The following HTR5A variants were observed in gnomAD, a reference collection of about 807,000 sequenced individuals.
The protein encoded by HTR5A is 5-hydroxytryptamine receptor 5A.
A neutral mutation model predicts 24.3 loss-of-function variants in HTR5A; 21 were observed. The ratio of observed to expected loss-of-function variants is 0.86; its 90% CI spans 0.61 to 1.24. HTR5A has a LOEUF of 1.24. Ranked by LOEUF, HTR5A falls within the 50% of genes most tolerant of loss-of-function variation. The pLI, the probability that HTR5A is intolerant of heterozygous loss-of-function variation, is 0.00. For synonymous variants in HTR5A, 260 were observed against 213.7 expected (o/e 1.22, Z -1.89); for missense variants, 497 against 489.5 (o/e 1.02, Z -0.15).
At chr7:155,078,271 T>C (rs1281372743) in intron 1 of HTR5A, among the ~76,000 whole-genome samples, 3 of 152,220 alleles carry the variant, frequency 2.0e-5, no homozygotes, top group South Asian at 2.1e-4. Flanking sequence ...ATTTTGCAAA[T>C]TGGCAATTTC....
chr7:155,084,345 G>T lies in HTR5A; in HGVS notation c.932G>T (p.Cys311Phe). 6.2e-7 allele frequency: 1 copy of T among 1,614,116 alleles called. No homozygotes were observed. Among genetic ancestry groups the T allele is most frequent in the Admixed American group, 1.7e-5 (1 of 60,014 alleles). ...CTCACCGAGCTCATCAGTCCCCTCTGCTCCTGTGACATCCCCGCCATCTGG... is the reference window on the plus strand; with the variant it reads ...CTCACCGAGCTCATCAGTCCCCTCTTCTCCTGTGACATCCCCGCCATCTGG... ...FFLTELISPL[C>F]SCDIPAIWKS... The change falls in exon 2 of 2, where the codon TGC becomes TTC. Residue 311 changes from cysteine to phenylalanine, a missense_variant. Transcript: ENST00000287907.
chr7:155,071,460 G>C lies in HTR5A; in HGVS notation c.561G>C (p.Glu187Asp). The change falls in exon 1 of 2, where the codon GAG becomes GAC. Residue 187 changes from glutamate (E) to aspartate (D), a missense_variant. Physicochemically the swap from Glu to Asp is conservative, Grantham distance 45. Transcript: ENST00000287907. ...TTGGCTGGGGAGAGACGTACTCTGA[G>C]GGCAGCGAGGAGTGCCAGGTAAGCC... Reference protein sequence around the residue: ...LLFGWGETYSEGSEECQVSRE... With the variant: ...LLFGWGETYSDGSEECQVSRE... 1 of 1,614,212 alleles carries C rather than the reference G, an allele frequency of 6.2e-7. No homozygotes were observed. Among genetic ancestry groups the C allele is most frequent in the Non-Finnish European group, 8.5e-7 (1 of 1,180,042 alleles).
chr7:155,074,077 C>A (rs562689324), intron 1 of HTR5A, among the ~76,000 whole-genome samples: 6 of 151,902 alleles, frequency 3.9e-5, no homozygotes, highest in African/African-American at 1.4e-4. Context: ...ACAAACCAGG[C>A]CTCCTGATTG....
chr7:155,073,863 G>A (rs1795326449), intron 1 of HTR5A, among the ~76,000 whole-genome samples: 2 of 68,102 alleles, frequency 2.9e-5, no homozygotes, highest in African/African-American at 1.1e-4. Context: ...ATGTGTGTGT[G>A]TGTATATATA....
At chr7:155,074,805 C>G (rs1013930306) in intron 1 of HTR5A, 8 of 152,274 alleles carry the variant, frequency 5.3e-5, no homozygotes, top group African/African-American at 7.2e-5. Context: ...GCGACCTACA[C>G]CTAGAAGAGA....
rs746476976 is a variant in HTR5A at position 155,070,325 on chromosome 7, G to A, written c.-575G>A. 16 of 320,482 alleles carry A rather than the reference G, an allele frequency of 5.0e-5. No individual in the cohort carries two copies. The highest frequency in any genetic ancestry group is 4.4e-4 in the African/African-American group (14 of 31,998). The allele number at this position is 320,482 out of a possible 1,614,324, so 19.9% of individuals were successfully genotyped here. On this transcript the variant is annotated 5_prime_UTR_variant, in exon 1 of 2. Transcript: ENST00000287907. ...AAGGCAGGTCTCGGTGGGCGCGCCA[G>A]CATTCGCTCTCCGGAGCTGCAGCCT...
rs1401526117 is a variant in HTR5A at position 155,084,464 on chromosome 7, A to G, written c.1051A>G (p.Asn351Asp). ...CAAGAACTACAACAGCGCCTTCAAG[A>G]ACTTCTTTTCTAGGCAACACTGAGG... ...FNKNYNSAFK[N>D]FFSRQH The change falls in exon 2 of 2, where the codon AAC becomes GAC. Residue 351 changes from asparagine to aspartate, a missense_variant. Asn to Asp is a conservative substitution (Grantham distance 23, BLOSUM62 1). Transcript: ENST00000287907. 6.2e-7 allele frequency: 1 copy of G among 1,612,816 alleles called. No homozygotes were observed. The highest frequency in any genetic ancestry group is 8.5e-7 in the Non-Finnish European group (1 of 1,179,112).
rs780287431 is a variant in HTR5A, at chr7:155,071,172, G to A, written c.273G>A (p.Ala91=). ...SMAVSDVLVA[A]LVMPLSLVHE... ...CCGTCTCGGATGTCCTGGTGGCCGC[G>A]CTGGTCATGCCGCTGAGCCTGGTGC... is the stretch of plus-strand genomic sequence containing the variant. The change falls in exon 1 of 2, where the codon GCG becomes GCA. Residue 91 remains alanine (A), a synonymous_variant. Coordinates refer to ENST00000287907, the MANE Select transcript of HTR5A (RefSeq NM_024012.4). The A allele has an allele frequency of 8.1e-6, 13 of 1,602,744 alleles. No individual in the cohort carries two copies. The Admixed American group carries it at 1.3e-4, about 16-fold the overall frequency.
At chr7:155,075,091 A>G (rs185778861) in intron 1 of HTR5A, among the ~76,000 whole-genome samples, 67 of 152,338 alleles carry the variant, frequency 4.4e-4, no homozygotes, top group Non-Finnish European at 6.6e-4. Context: ...TTTAAAATAT[A>G]TTGATTGAGA....
chr7:155,081,558 A>G (rs1266369286), intron 1 of HTR5A, among the ~76,000 whole-genome samples: 1 of 152,234 alleles, frequency 6.6e-6, no homozygotes, highest in Non-Finnish European at 1.5e-5. Context: ...GGAAAAATTA[A>G]TTTGGCTTAA....
chr7:155,073,830 T>TACACAC (rs60282843), intron 1 of HTR5A, among the ~76,000 whole-genome samples: 1,765 of 135,772 alleles, frequency 0.013, 61 homozygotes, highest in African/African-American at 0.043. Context: ...TTTATATAGA[T>TACACAC]ACACACACAC....
intron 1 of HTR5A, among the ~76,000 whole-genome samples, chr7:155,080,382 C>T (rs989040390): frequency 5.9e-5 from 9 of 152,182 alleles, no homozygotes; most frequent in African/African-American, 2.2e-4. Flanking sequence ...TAACAAAATA[C>T]ATTGAGCAAT....
Position 155,084,137 on chromosome 7 carries a change from C to G in HTR5A, c.742-18C>G. 6.4e-7 allele frequency: 1 copy of G among 1,569,118 alleles called. No individual in the cohort carries two copies. The highest frequency in any genetic ancestry group is 8.6e-7 in the Non-Finnish European group (1 of 1,157,474). On this transcript the variant is annotated intron_variant, in intron 1 of 1. Coordinates refer to ENST00000287907, the MANE Select transcript of HTR5A (RefSeq NM_024012.4). ...GACTGAGGTGGCTCCTCATAAAGCT[C>G]CTGCTTGTCTTTTACAGGTGAAGGA...
intron 1 of HTR5A, among the ~76,000 whole-genome samples, chr7:155,083,887 GAACAGACAGC>G (rs1357753621): frequency 1.2e-4 from 18 of 152,140 alleles, no homozygotes; most frequent in Non-Finnish European, 2.2e-4. Flanking sequence ...TGCCTCTGTT[GAACAGACAGC>G]AATAGGGAGT....
Position 155,071,195 on chromosome 7 carries a change from T to C in HTR5A, c.296T>C (p.Val99Ala). ...VAALVMPLSL[V>A]HELSGRRWQL... ...GCGCTGGTCATGCCGCTGAGCCTGG[T>C]GCACGAGCTGTCCGGGCGCCGCTGG... Residue 99 changes from valine to alanine, a missense_variant, in exon 1 of 2, where the codon GTG (valine) becomes GCG (alanine). Val to Ala is a moderately conservative substitution (Grantham distance 64, BLOSUM62 0). Coordinates refer to ENST00000287907, the MANE Select transcript of HTR5A (RefSeq NM_024012.4). 1 of 1,602,812 alleles carries C rather than the reference T, an allele frequency of 6.2e-7. No homozygotes were observed. The highest frequency in any genetic ancestry group is 8.5e-7 in the Non-Finnish European group (1 of 1,179,876).
rs1040885443 is a variant in HTR5A at position 155,070,845 on chromosome 7, A to T, written c.-55A>T. On this transcript the variant is annotated 5_prime_UTR_variant, in exon 1 of 2. In the 5' UTR this introduces an upstream ATG that the reference lacks. Coordinates refer to ENST00000287907, the MANE Select transcript of HTR5A (RefSeq NM_024012.4). The stretch of plus-strand genomic sequence containing the variant: ...GGCTCTGGGCACAGTGGCCGCCTTA[A>T]GTCCTCCTGAACACCCCTTCTGCAA... 3 of 1,536,646 alleles carry T rather than the reference A, an allele frequency of 2.0e-6. No homozygotes were observed. Among genetic ancestry groups the T allele is most frequent in the Non-Finnish European group, 2.6e-6 (3 of 1,142,350 alleles).
intron 1 of HTR5A, among the ~76,000 whole-genome samples, chr7:155,073,629 C>G (rs996140078): frequency 6.6e-6 from 1 of 151,772 alleles, no homozygotes; most frequent in African/African-American, 2.4e-5. Context: ...AAGGGCCCTC[C>G]TTTTATGAAT....
chr7:155,074,174 C>G (rs1471908056), intron 1 of HTR5A, among the ~76,000 whole-genome samples: 1 of 152,054 alleles, frequency 6.6e-6, no homozygotes, highest in Non-Finnish European at 1.5e-5. Flanking sequence ...CAACACTTCT[C>G]TCTTGTTTCT....
intron 1 of HTR5A, among the ~76,000 whole-genome samples, chr7:155,078,507 C>G (rs61621965): frequency 0.029 from 4,441 of 152,158 alleles, 194 homozygotes; most frequent in African/African-American, 0.1. Flanking sequence ...GAAATAGGGT[C>G]TCACCATGTT....
Sources: allele counts gnomAD v4.1 joint callset (sites outside exome capture counted in the v4.1 genomes callset), GRCh38; gene constraint gnomAD v4.1.1; transcripts MANE v1.5; gene names NCBI Gene and HGNC (gene_info 2026-07-23, HGNC 2026-07-21).